The following DZIP3 variants were observed in gnomAD, a reference collection of about 807,000 sequenced individuals.
DZIP3 encodes the protein DAZ interacting zinc finger protein 3, also known as E3 ubiquitin-protein ligase DZIP3.
In DZIP3, 118 loss-of-function variants were observed where a neutral mutation model predicts 162.0. That is an observed-to-expected ratio of 0.73 (90% CI 0.63 to 0.85). The LOEUF (loss-of-function observed/expected upper bound fraction) is 0.85, where lower values mean the gene tolerates loss of function less well. DZIP3 is among the 40% of genes least tolerant of loss of function. DZIP3 has a pLI of 0.00. For synonymous variants in DZIP3, 438 were observed against 458.6 expected, an observed-to-expected ratio of 0.96 and a Z score of 0.57; for missense variants, 1,331 against 1,407.0, an observed-to-expected ratio of 0.95 and a Z score of 0.86.
chr3:108,677,585 G>C lies in DZIP3; in HGVS notation c.2870G>C (p.Ser957Thr). ...PPVQLPPPPP[S>T]PEILMQQFLG... Reference sequence around the variant, plus strand: ...GTCCAGCTTCCTCCTCCACCACCCAGTCCTGAGATACTGGTAAGAAATACA... The same window carrying C: ...GTCCAGCTTCCTCCTCCACCACCCACTCCTGAGATACTGGTAAGAAATACA... Residue 957 changes from serine to threonine, a missense_variant, in exon 26 of 33, where the codon AGT (serine) becomes ACT (threonine). This residue lies in a region of DZIP3 where 1,278 missense variants were observed against 1,317.1 expected (regional missense o/e 0.97). Coordinates refer to ENST00000361582, the MANE Select transcript of DZIP3 (RefSeq NM_014648.4). The C allele has an allele frequency of 6.2e-7, 1 of 1,611,946 alleles. No individual in the cohort carries two copies. Among genetic ancestry groups the C allele is most frequent in the South Asian group, 1.1e-5 (1 of 91,030 alleles).
intron 8 of DZIP3, among the ~76,000 whole-genome samples, chr3:108,631,055 A>ACACACACATATACACTCTCTCT: frequency 5.6e-5 from 1 of 18,006 alleles, no homozygotes; most frequent in Non-Finnish European, 9.0e-5. Flanking sequence ...ACACACACAC[A>ACACACACATATACACTCTCTCT]CTCTCTCTCT....
chr3:108,624,943 TTC>T (rs1349458361), intron 6 of DZIP3, among the ~76,000 whole-genome samples: 1 of 152,176 alleles, frequency 6.6e-6, no homozygotes, highest in African/African-American at 2.4e-5. Flanking sequence ...GCTTTGATAT[TTC>T]TCTTATTTTT....
rs1021943781 is a variant in DZIP3 at position 108,682,031 on chromosome 3, A to G, written c.2884-2185A>G. ...ACCATGGCACATGTATACCTATGAA[A>G]CAAACCTGTACATTCTGTACATGTA... On this transcript the variant is annotated intron_variant, in intron 26 of 32. Coordinates refer to ENST00000361582, the MANE Select transcript of DZIP3 (RefSeq NM_014648.4). Among the ~76,000 whole-genome samples the G allele has an allele frequency of 2.7e-5, 4 of 150,594 alleles. 1 individual carries two copies. Among genetic ancestry groups the G allele is most frequent in the African/African-American group, 1.0e-4 (4 of 39,970 alleles).
chr3:108,639,957 T>G (rs1280919669), intron 12 of DZIP3, among the ~76,000 whole-genome samples: 1 of 152,094 alleles, frequency 6.6e-6, no homozygotes, highest in African/African-American at 2.4e-5. Flanking sequence ...GTGTAGAAAT[T>G]TATTATTAAT....
At chr3:108,681,743 T>C (rs1292512964) in intron 26 of DZIP3, among the ~76,000 whole-genome samples, 5 of 151,264 alleles carry the variant, frequency 3.3e-5, no homozygotes, top group African/African-American at 1.2e-4. Flanking sequence ...TGGAATACTC[T>C]GCCGCCATAA....
intron 2 of DZIP3, among the ~76,000 whole-genome samples, chr3:108,606,925 G>C (rs932098402): frequency 2.0e-5 from 3 of 152,126 alleles, no homozygotes; most frequent in Non-Finnish European, 4.4e-5. Context: ...GGTTAAAGAG[G>C]GAATGATCAT....
chr3:108,690,115 T>C (rs1415119003), intron 31 of DZIP3, among the ~76,000 whole-genome samples: 3 of 152,236 alleles, frequency 2.0e-5, no homozygotes, highest in East Asian at 1.9e-4. Flanking sequence ...TCCTACTCTT[T>C]GCCATTGCCC....
intron 24 of DZIP3, among the ~76,000 whole-genome samples, chr3:108,674,693 A>G (rs1944040766): frequency 6.6e-6 from 1 of 152,046 alleles, no homozygotes; most frequent in African/African-American, 2.4e-5. Flanking sequence ...TGTTAAAGGT[A>G]GTTTTCTGCT....
intron 1 of DZIP3, among the ~76,000 whole-genome samples, chr3:108,591,033 A>G (rs976908248): frequency 6.6e-6 from 1 of 152,278 alleles, no homozygotes; most frequent in African/African-American, 2.4e-5. Flanking sequence ...TTATTACTCT[A>G]GAATAATGTT....
At chr3:108,625,820 C>A in intron 6 of DZIP3, 25 bp from the exon 7 acceptor site, 4 of 1,545,472 alleles carry the variant, frequency 2.6e-6, no homozygotes, top group South Asian at 2.6e-5. Context: ...TTACAGTAGC[C>A]AAACCTAGTT....
intron 15 of DZIP3, 38 bp from the exon 16 acceptor site, chr3:108,647,905 T>G (rs1442404099): frequency 6.9e-7 from 1 of 1,438,914 alleles, no homozygotes. Context: ...TGAAATTGCT[T>G]TCATCTAGAT....
intron 28 of DZIP3, among the ~76,000 whole-genome samples, chr3:108,687,198 T>A (rs1320047994): frequency 6.6e-6 from 1 of 152,046 alleles, no homozygotes. Flanking sequence ...ATATATATAC[T>A]GGCACACTTC....
chr3:108,651,266 G>A, intron 18 of DZIP3, 104 bp downstream of exon 18: 1 of 356,212 alleles, frequency 2.8e-6, no homozygotes, highest in Non-Finnish European at 4.3e-6. Flanking sequence ...TTCTCACTAA[G>A]AGAAGAAGGA....
At chr3:108,601,121 A>G (rs1939989851) in intron 1 of DZIP3, among the ~76,000 whole-genome samples, 1 of 152,200 alleles carries the variant, frequency 6.6e-6, no homozygotes. Context: ...CTCTAGGTCC[A>G]CTTAATTAAG....
intron 19 of DZIP3, among the ~76,000 whole-genome samples, chr3:108,657,461 GC>G (rs1014218219): frequency 2.0e-5 from 3 of 152,160 alleles, no homozygotes; most frequent in African/African-American, 7.2e-5. Flanking sequence ...TCACCACCAG[GC>G]CTGCCCTAAA....
chr3:108,692,217 A>G (rs899083495), intron 32 of DZIP3, among the ~76,000 whole-genome samples: 2 of 152,210 alleles, frequency 1.3e-5, no homozygotes, highest in South Asian at 2.1e-4. Context: ...AGAAATATAT[A>G]TATTTTTTTT....
At chr3:108,621,038 G>A in intron 5 of DZIP3, among the ~76,000 whole-genome samples, 1 of 152,100 alleles carries the variant, frequency 6.6e-6, no homozygotes, top group South Asian at 2.1e-4. Context: ...GGCCAGGATG[G>A]TCTCGATGTC....
At chr3:108,668,062 C>G (rs1943754802) in intron 21 of DZIP3, among the ~76,000 whole-genome samples, 1 of 152,000 alleles carries the variant, frequency 6.6e-6, no homozygotes, top group African/African-American at 2.4e-5. Flanking sequence ...CTTCTTTCAT[C>G]TTAGAATATG....
chr3:108,691,143 T>A, intron 32 of DZIP3: 1 of 321,356 alleles, frequency 3.1e-6, no homozygotes. Flanking sequence ...TTTCTTGTAG[T>A]GGAAACATAA....
Sources: allele counts gnomAD v4.1 joint callset (sites outside exome capture counted in the v4.1 genomes callset), GRCh38; gene constraint gnomAD v4.1.1; regional missense constraint gnomAD v4.1.1; transcripts MANE v1.5; gene names NCBI Gene and HGNC (gene_info 2026-07-23, HGNC 2026-07-21).